Variants in PSMD1 observed in about 807,000 individuals in gnomAD.
The protein encoded by PSMD1 is 26S proteasome non-ATPase regulatory subunit 1.
PSMD1 carries 18 observed loss-of-function variants against 119.0 expected under a neutral mutation model. That is an observed-to-expected ratio of 0.15 (90% CI 0.10 to 0.22). The LOEUF (loss-of-function observed/expected upper bound fraction) is 0.22. Ranked by LOEUF, PSMD1 falls within the 10% of genes least tolerant of loss-of-function variation. The pLI is 1.00. For synonymous variants in PSMD1, 374 were observed against 396.6 expected (o/e 0.94, Z 0.68); for missense variants, 702 against 1,158.5 (o/e 0.61, Z 5.72).
At chr2:231,074,518 T>A (rs1392045689) in intron 7 of PSMD1, among the ~76,000 whole-genome samples, 2 of 152,192 alleles carry the variant, frequency 1.3e-5, no homozygotes, top group African/African-American at 4.8e-5. Context: ...TTTCTGAAAT[T>A]ATTATTTTTT....
chr2:231,079,625 T>G lies in PSMD1; in HGVS notation c.1239+11T>G, dbSNP rs776031591. The G allele has an allele frequency of 3.2e-6, 5 of 1,571,608 alleles. No individual in the cohort carries two copies. The highest frequency in any genetic ancestry group is 4.3e-6 in the Non-Finnish European group (5 of 1,150,098). ...GGTGTAATTCATAAGGTAATATATA[T>G]TGGTCAGTGTATACAGGCATCAGAA... On this transcript the variant is annotated intron_variant, in intron 11 of 24. Transcript: ENST00000308696.
chr2:231,106,763 A>C (rs1694987201), intron 16 of PSMD1, among the ~76,000 whole-genome samples: 1 of 152,120 alleles, frequency 6.6e-6, no homozygotes, highest in Non-Finnish European at 1.5e-5. Flanking sequence ...GTGAGAAGAT[A>C]GTTCTTTTGA....
chr2:231,101,446 GA>G (rs535737506), intron 16 of PSMD1, among the ~76,000 whole-genome samples: 2 of 151,992 alleles, frequency 1.3e-5, no homozygotes, highest in East Asian at 3.8e-4. Flanking sequence ...TTAGGCTGTA[GA>G]AAAAAATTAA....
At chr2:231,083,833 A>G in intron 14 of PSMD1, 70 bp downstream of exon 14, 5 of 1,452,636 alleles carry the variant, frequency 3.4e-6, no homozygotes, top group Non-Finnish European at 4.8e-6. Context: ...TTCACTGGAA[A>G]TTAACTCTGT....
chr2:231,104,371 G>A (rs1283380568), intron 16 of PSMD1, among the ~76,000 whole-genome samples: 1 of 152,050 alleles, frequency 6.6e-6, no homozygotes, highest in Non-Finnish European at 1.5e-5. Context: ...ACATAGTATA[G>A]TCAAATAAGT....
Position 231,083,766 on chromosome 2 carries a change from G to A in PSMD1, c.1722+3G>A, listed in dbSNP as rs778419191. On this transcript the variant is annotated splice_donor_region_variant and intron_variant, in intron 14 of 24. Transcript: ENST00000308696. ...TTGAATCTCTCTGTCGTGACAAGGT[G>A]AGATCACATACGTCCCTCACTGTCC... 3 of 1,613,764 alleles carry A rather than the reference G, an allele frequency of 1.9e-6. No individual in the cohort carries two copies. The highest frequency in any genetic ancestry group is 1.7e-5 in the Admixed American group (1 of 59,990).
intron 18 of PSMD1, 32 bp downstream of exon 18, chr2:231,146,388 G>T: frequency 6.6e-7 from 1 of 1,523,014 alleles, no homozygotes; most frequent in African/African-American, 1.4e-5. Flanking sequence ...CTGGAAGAGA[G>T]ATGGTTTGGT....
At chr2:231,071,446 T>C (rs530283656) in intron 6 of PSMD1, among the ~76,000 whole-genome samples, 5 of 152,128 alleles carry the variant, frequency 3.3e-5, no homozygotes, top group Non-Finnish European at 7.4e-5. Flanking sequence ...GTGTTAATTG[T>C]ATACAGTCTT....
intron 16 of PSMD1, among the ~76,000 whole-genome samples, chr2:231,105,900 T>G (rs1694962851): frequency 6.6e-6 from 1 of 152,158 alleles, no homozygotes; most frequent in Non-Finnish European, 1.5e-5. Flanking sequence ...TTTGCCCCAG[T>G]ATCTTTGTGT....
chr2:231,078,679 A>G lies in PSMD1; in HGVS notation c.1092A>G (p.Val364=). ...KNTKDAVRNS[V]CHTATVIANS... is the part of the protein sequence containing the mutation. ...TGCAGGATGCAGTACGGAATTCTGT[A>G]TGTCATACTGCAACCGTTATAGCAA... Residue 364 remains valine (V), a synonymous_variant, in exon 10 of 25, where the codon GTA becomes GTG. Transcript: ENST00000308696. 1.2e-6 allele frequency: 2 copies of G among 1,606,030 alleles called. No individual in the cohort carries two copies. Among genetic ancestry groups the G allele is most frequent in the Non-Finnish European group, 8.5e-7 (1 of 1,177,050 alleles).
intron 16 of PSMD1, among the ~76,000 whole-genome samples, chr2:231,126,639 T>A (rs1036393550): frequency 2.0e-5 from 3 of 152,090 alleles, no homozygotes; most frequent in Non-Finnish European, 4.4e-5. Flanking sequence ...ATAGATAAAA[T>A]TTTTTAAATA....
In PSMD1 at chr2:231,099,901, C is replaced by T. The variant is rs1694822369; in HGVS notation, c.1883+12720C>T. On this transcript the variant is annotated intron_variant, in intron 16 of 24. Coordinates refer to ENST00000308696, the MANE Select transcript of PSMD1 (RefSeq NM_002807.4). Reference sequence around the variant, plus strand: ...TCCTGACCACCAAGGAAATACTTTACCGGCTCCCACGGCTTCTCCTTCCTT... The same window carrying T: ...TCCTGACCACCAAGGAAATACTTTATCGGCTCCCACGGCTTCTCCTTCCTT... Among the ~76,000 whole-genome samples, 3 of 152,328 alleles carry T rather than the reference C, an allele frequency of 2.0e-5. No homozygotes were observed. In the South Asian group the frequency reaches 6.2e-4, roughly 32 times the overall value.
intron 16 of PSMD1, among the ~76,000 whole-genome samples, chr2:231,138,186 G>A (rs754269014): frequency 1.5e-4 from 23 of 152,140 alleles, no homozygotes; most frequent in Non-Finnish European, 3.4e-4. Flanking sequence ...TGGAGAGAAT[G>A]AAAAATAATT....
intron 14 of PSMD1, 82 bp from the exon 15 acceptor site, chr2:231,084,937 G>A: frequency 9.1e-7 from 1 of 1,095,248 alleles, no homozygotes; most frequent in Non-Finnish European, 1.4e-6. Flanking sequence ...AGCTTACTTG[G>A]TGGATGCCAC....
chr2:231,146,487 T>C (rs1385273526), intron 18 of PSMD1, 131 bp downstream of exon 18: 1 of 662,968 alleles, frequency 1.5e-6, no homozygotes. Flanking sequence ...AAAGAGAGCA[T>C]TTTAGAGTAT....
chr2:231,123,319 A>T, intron 16 of PSMD1: 1 of 942,034 alleles, frequency 1.1e-6, no homozygotes, highest in Non-Finnish European at 1.7e-6. Context: ...TTCATCTTTT[A>T]TTTCAAGAAA....
intron 16 of PSMD1, among the ~76,000 whole-genome samples, chr2:231,105,921 G>A (rs1473242853): frequency 6.7e-6 from 1 of 149,096 alleles, no homozygotes; most frequent in Non-Finnish European, 1.5e-5. Context: ...TTCTGTCTGG[G>A]TGCTTGACTT....
chr2:231,148,033 G>A (rs1181525114), intron 18 of PSMD1, among the ~76,000 whole-genome samples: 1 of 152,138 alleles, frequency 6.6e-6, no homozygotes, highest in Non-Finnish European at 1.5e-5. Context: ...TTCAAAAATT[G>A]TATTATTACA....
rs1041776257 is a variant in PSMD1 at position 231,079,686 on chromosome 2, A to G, written c.1239+72A>G. 3 of 972,310 alleles carry G rather than the reference A, an allele frequency of 3.1e-6. No homozygotes were observed. In the African/African-American group the frequency reaches 5.0e-5, roughly 16 times the overall value. 60.2% of individuals were successfully genotyped at this position (972,310 alleles called of 1,614,324 possible). A position where few individuals can be genotyped will look rare whatever the true frequency, so the allele number is the denominator to read the frequency against. On this transcript the variant is annotated intron_variant, in intron 11 of 24. Transcript: ENST00000308696. Reference sequence around the variant, plus strand: ...TTTTCTGGGGTTAAGAAAAAATAACAGTTTATTATAATTCATTAACAAGTA... The same window carrying G: ...TTTTCTGGGGTTAAGAAAAAATAACGGTTTATTATAATTCATTAACAAGTA...
Sources: allele counts gnomAD v4.1 joint callset (sites outside exome capture counted in the v4.1 genomes callset), GRCh38; gene constraint gnomAD v4.1.1; transcripts MANE v1.5; gene names NCBI Gene and HGNC (gene_info 2026-07-23, HGNC 2026-07-21).